The following GRIK4 variants were observed in gnomAD, a reference collection of about 807,000 sequenced individuals.
The protein encoded by GRIK4 is glutamate receptor ionotropic, kainate 4.
In GRIK4, 40 loss-of-function variants were observed where a neutral mutation model predicts 104.9. The ratio of observed to expected loss-of-function variants is 0.38; its 90% CI spans 0.30 to 0.50. GRIK4 has a LOEUF of 0.50. Among genes scored for constraint, GRIK4 ranks in the 20% least tolerant of loss-of-function variants. The pLI, the probability that GRIK4 is intolerant of heterozygous loss-of-function variation, is 0.93. For missense variants in GRIK4, 1,047 were observed against 1,308.1 expected (o/e 0.80, Z 3.08); for synonymous variants, 485 against 524.9 (o/e 0.92, Z 1.04).
chr11:120,790,824 C>T (rs909904714), intron 3 of GRIK4, among the ~76,000 whole-genome samples: 1 of 152,018 alleles, frequency 6.6e-6, no homozygotes, highest in Non-Finnish European at 1.5e-5. Context: ...AGTGGGTGAG[C>T]AGATGGAGGG....
chr11:120,670,664 C>T (rs12362311), intron 3 of GRIK4, among the ~76,000 whole-genome samples: 25,450 of 152,208 alleles, frequency 0.17, 2,366 homozygotes, highest in South Asian at 0.23. Context: ...TGCCTCTGCC[C>T]CTGACACTTT....
chr11:120,741,961 G>A (rs1406610039), intron 3 of GRIK4, among the ~76,000 whole-genome samples: 1 of 152,162 alleles, frequency 6.6e-6, no homozygotes, highest in Non-Finnish European at 1.5e-5. Flanking sequence ...GCAATATGGG[G>A]ACACAGAGGA....
In GRIK4 at chr11:120,953,593, C is replaced by T. The variant is rs925769013; in HGVS notation, c.1700+629C>T. On this transcript the variant is annotated intron_variant, in intron 15 of 20. Transcript: ENST00000527524. This position sits in a 1 kb window ranked among gnomAD's most constrained non-coding sequence, Gnocchi z 4.9. Reference sequence around the variant, plus strand: ...GTTTTCAAGAAGTGCTGAGTTGAGACGCACGGGCCAGACCAGGGAGGGGGG... The same window carrying T: ...GTTTTCAAGAAGTGCTGAGTTGAGATGCACGGGCCAGACCAGGGAGGGGGG... Among the ~76,000 whole-genome samples the T allele has an allele frequency of 1.3e-5, 2 of 152,074 alleles. No homozygotes were observed. The highest frequency in any genetic ancestry group is 6.5e-5 in the Admixed American group (1 of 15,276).
chr11:120,861,928 C>G, intron 8 of GRIK4, 31 bp from the exon 9 acceptor site: 1 of 1,580,426 alleles, frequency 6.3e-7, no homozygotes, highest in South Asian at 1.1e-5. Flanking sequence ...TTCCTAACTA[C>G]ATTCTTATTT....
chr11:120,585,470 T>G (rs974003783), intron 1 of GRIK4, among the ~76,000 whole-genome samples: 1 of 152,074 alleles, frequency 6.6e-6, no homozygotes, highest in African/African-American at 2.4e-5. Context: ...TGCCTTAGCC[T>G]CCTGAGTAGC....
intron 20 of GRIK4, 104 bp from the exon 21 acceptor site, chr11:120,985,800 G>A (rs755710534): frequency 1.0e-6 from 1 of 997,706 alleles, no homozygotes; most frequent in Non-Finnish European, 1.5e-6. Flanking sequence ...AAGATGACAC[G>A]ATTCTGTGAC....
intron 3 of GRIK4, among the ~76,000 whole-genome samples, chr11:120,725,716 A>G (rs1218930522): frequency 6.6e-6 from 1 of 152,084 alleles, no homozygotes; most frequent in African/African-American, 2.4e-5. Flanking sequence ...TGCAAGCTTT[A>G]GGACCAGAAG....
Position 120,894,084 on chromosome 11 carries a change from G to A in GRIK4, c.1165-4448G>A, listed in dbSNP as rs191803313. Reference sequence around the variant, plus strand: ...TCTGGGAACTATACTTTGAGACACCGTCCTAATCTGCCTAATCAACTAAAG... The same window carrying A: ...TCTGGGAACTATACTTTGAGACACCATCCTAATCTGCCTAATCAACTAAAG... On this transcript the variant is annotated intron_variant, in intron 11 of 20. Transcript: ENST00000527524. Among the ~76,000 whole-genome samples the A allele has an allele frequency of 8.5e-5, 13 of 152,226 alleles. 1 individual carries two copies. The highest frequency in any genetic ancestry group is 6.2e-4 in the South Asian group (3 of 4,814).
chr11:120,538,361 G>A (rs879698179), intron 1 of GRIK4, among the ~76,000 whole-genome samples: 5 of 152,190 alleles, frequency 3.3e-5, no homozygotes, highest in Admixed American at 6.5e-5. Context: ...ATGTCCAGGC[G>A]ACCCCCAACC....
intron 3 of GRIK4, among the ~76,000 whole-genome samples, chr11:120,683,072 C>T (rs117255305): frequency 1.2e-4 from 19 of 152,278 alleles, no homozygotes; most frequent in Non-Finnish European, 2.1e-4. Context: ...GACTTACTCA[C>T]TGGTCTTTCC....
intron 11 of GRIK4, among the ~76,000 whole-genome samples, chr11:120,886,759 G>A (rs1354373234): frequency 6.6e-6 from 1 of 152,178 alleles, no homozygotes; most frequent in Non-Finnish European, 1.5e-5. Context: ...TCCTACAGTG[G>A]CCCTTTCTCT....
At chr11:120,957,500 A>G (rs1306488495) in intron 16 of GRIK4, among the ~76,000 whole-genome samples, 1 of 152,178 alleles carries the variant, frequency 6.6e-6, no homozygotes, top group Non-Finnish European at 1.5e-5. Context: ...AATGTGTGGG[A>G]AAGCTCTTTG....
intron 3 of GRIK4, among the ~76,000 whole-genome samples, chr11:120,677,557 T>C (rs892916738): frequency 6.6e-6 from 1 of 152,218 alleles, no homozygotes; most frequent in African/African-American, 2.4e-5. Context: ...CTCAGCTCTA[T>C]GGAAAATACA....
At chr11:120,677,138 G>C (rs1167812134) in intron 3 of GRIK4, among the ~76,000 whole-genome samples, 1 of 152,182 alleles carries the variant, frequency 6.6e-6, no homozygotes, top group African/African-American at 2.4e-5. Context: ...TATGCCACCA[G>C]GGAAGAGACA....
intron 1 of GRIK4, among the ~76,000 whole-genome samples, chr11:120,517,776 AG>A (rs776801614): frequency 3.9e-5 from 6 of 152,080 alleles, no homozygotes; most frequent in Non-Finnish European, 8.8e-5. Flanking sequence ...GGGAGTGGGA[AG>A]GGGCCGGCCC....
intron 1 of GRIK4, among the ~76,000 whole-genome samples, chr11:120,519,528 C>G (rs978852922): frequency 3.3e-5 from 5 of 152,232 alleles, no homozygotes; most frequent in Non-Finnish European, 7.3e-5. Context: ...TTCCCCGCCT[C>G]CAGAACTGTG....
chr11:120,895,524 G>T (rs116591958), intron 11 of GRIK4, among the ~76,000 whole-genome samples: 2 of 152,164 alleles, frequency 1.3e-5, no homozygotes, highest in Non-Finnish European at 2.9e-5. Flanking sequence ...CTATGTATTT[G>T]GACTTCTTAA....
At chr11:120,544,100 T>A (rs893375762) in intron 1 of GRIK4, among the ~76,000 whole-genome samples, 4 of 152,180 alleles carry the variant, frequency 2.6e-5, no homozygotes, top group Admixed American at 1.3e-4. Flanking sequence ...ATACTTAGAA[T>A]TTGCAGAGAG....
chr11:120,525,864 G>A (rs1014645468), intron 1 of GRIK4, among the ~76,000 whole-genome samples: 1 of 152,146 alleles, frequency 6.6e-6, no homozygotes, highest in Non-Finnish European at 1.5e-5. Flanking sequence ...ACTGTGCGGC[G>A]TTGGACAAGT....
Sources: allele counts gnomAD v4.1 joint callset (sites outside exome capture counted in the v4.1 genomes callset), GRCh38; gene constraint gnomAD v4.1.1; non-coding constraint Gnocchi (gnomAD v3.1); transcripts MANE v1.5; gene names NCBI Gene and HGNC (gene_info 2026-07-23, HGNC 2026-07-21).